The following IPP variants were observed in gnomAD, a reference collection of about 807,000 sequenced individuals.
The protein encoded by IPP is actin-binding protein IPP.
A neutral mutation model predicts 64.1 loss-of-function variants in IPP; 41 were observed. That is an observed-to-expected ratio of 0.64 (90% CI 0.50 to 0.83). The LOEUF (loss-of-function observed/expected upper bound fraction) is 0.83. IPP is among the 40% of genes least tolerant of loss of function. The pLI, the probability that IPP is intolerant of heterozygous loss-of-function variation, is 0.00. For missense variants in IPP, 649 were observed against 703.0 expected, an observed-to-expected ratio of 0.92 and a Z score of 0.87; for synonymous variants, 214 against 235.2, an observed-to-expected ratio of 0.91 and a Z score of 0.83.
At chr1:45,725,210 T>C (rs1255289195) in intron 5 of IPP, among the ~76,000 whole-genome samples, 1 of 74,524 alleles carries the variant, frequency 1.3e-5, no homozygotes, top group East Asian at 4.6e-4. Flanking sequence ...GGGAGGGAGG[T>C]GGGGGGGTCA....
At chr1:45,732,188 C>T (rs1469925966) in intron 3 of IPP, among the ~76,000 whole-genome samples, 1 of 151,704 alleles carries the variant, frequency 6.6e-6, no homozygotes, top group Non-Finnish European at 1.5e-5. Flanking sequence ...GGTGAAACCT[C>T]ATCTCTACTA....
chr1:45,695,818 C>T (rs780418983), downstream of IPP, among the ~76,000 whole-genome samples: 36 of 152,146 alleles, frequency 2.4e-4, no homozygotes, highest in East Asian at 3.9e-4. Flanking sequence ...TACAGGCATG[C>T]GCCACCATGC....
intron 7 of IPP, 48 bp downstream of exon 7, chr1:45,716,847 G>C (rs931807630): frequency 6.4e-7 from 1 of 1,559,362 alleles, no homozygotes; most frequent in Admixed American, 1.9e-5. Context: ...AACTCAAACA[G>C]TTTTTCAGAA....
At position 45,727,727 on chromosome 1, in the gene IPP, T is replaced by A. The variant is rs1570011372; in HGVS notation, c.952A>T (p.Thr318Ser). 1 of 1,599,128 alleles carries A rather than the reference T, an allele frequency of 6.3e-7. No homozygotes were observed. Among genetic ancestry groups the A allele is most frequent in the Non-Finnish European group, 8.6e-7 (1 of 1,169,086 alleles). ...RALSCVERFDTFSQYWTTVSS... is the reference protein window; with the variant it reads ...RALSCVERFDSFSQYWTTVSS... ...ACAGTGGTCCAGTACTGGCTAAAGG[T>A]GTCAAAACGTTCTACACAGCTGAGG... is the stretch of plus-strand genomic sequence containing the variant. Residue 318 changes from threonine (T) to serine (S), a missense_variant, in exon 5 of 9, where the codon ACC becomes TCC. Transcript: ENST00000396478.
intron 8 of IPP, among the ~76,000 whole-genome samples, chr1:45,703,557 C>T (rs1304136870): frequency 6.6e-6 from 1 of 151,444 alleles, no homozygotes; most frequent in African/African-American, 2.4e-5. Context: ...ATTTGAGAGA[C>T]TTGACATAAA....
At position 45,729,767 on chromosome 1, in the gene IPP, C is replaced by G; in HGVS notation, c.727G>C (p.Val243Leu). 6.6e-7 allele frequency: 1 copy of G among 1,522,604 alleles called. No homozygotes were observed. Among genetic ancestry groups the G allele is most frequent in the Non-Finnish European group, 8.9e-7 (1 of 1,128,794 alleles). The allele number at this position is 1,522,604 out of a possible 1,614,324, so 94.3% of individuals were successfully genotyped here. ...GCAACACGAAGATTAAAATCGGATA[C>G]TCCTAAAACAATATTTAAAAAGACA... ...PQRLLKYIEGVSDFNLRVALQ... is the reference protein window; with the variant it reads ...PQRLLKYIEGLSDFNLRVALQ... Residue 243 changes from valine to leucine, a missense_variant and splice_region_variant, in exon 4 of 9, where the codon GTA becomes CTA. Val to Leu is a conservative substitution (Grantham distance 32). Coordinates refer to ENST00000396478, the MANE Select transcript of IPP (RefSeq NM_005897.3).
At chr1:45,733,298 G>T (rs1486482240) in intron 3 of IPP, among the ~76,000 whole-genome samples, 1 of 151,464 alleles carries the variant, frequency 6.6e-6, no homozygotes, top group African/African-American at 2.4e-5. Flanking sequence ...AGTGGTGCAC[G>T]CCTGTAGTCC....
chr1:45,743,932 G>A (rs754696209), intron 2 of IPP, among the ~76,000 whole-genome samples: 3 of 151,304 alleles, frequency 2.0e-5, no homozygotes, highest in Non-Finnish European at 4.4e-5. Context: ...CAGGAGAATC[G>A]CTTGAAACTG....
chr1:45,724,215 CG>C (rs1168289127), intron 5 of IPP, among the ~76,000 whole-genome samples: 1 of 152,184 alleles, frequency 6.6e-6, no homozygotes, highest in Non-Finnish European at 1.5e-5. Flanking sequence ...AGCTCCTAAC[CG>C]CGAGTGATCC....
chr1:45,747,851 A>AC (rs1416617942), intron 1 of IPP, among the ~76,000 whole-genome samples: 2 of 149,464 alleles, frequency 1.3e-5, no homozygotes, highest in Non-Finnish European at 3.0e-5. Context: ...AAAAAAAAAA[A>AC]AAAAAAAAAA....
At chr1:45,725,341 G>A (rs1349942934) in intron 5 of IPP, among the ~76,000 whole-genome samples, 1 of 145,216 alleles carries the variant, frequency 6.9e-6, no homozygotes, top group African/African-American at 2.5e-5. Context: ...GGGAGGTGGG[G>A]GTGTCAGCCC....
chr1:45,719,347 T>C lies in IPP; in HGVS notation c.1049-7A>G, dbSNP rs1436882224. 6.4e-7 allele frequency: 1 copy of C among 1,565,514 alleles called. No homozygotes were observed. The highest frequency in any genetic ancestry group is 1.4e-5 in the African/African-American group (1 of 72,918). ...ATCATTGAATCCTTTTCACCTGAGT[T>C]AAATAAAAGAGACAAATATTATAAA... On this transcript the variant is annotated splice_polypyrimidine_tract_variant and splice_region_variant and intron_variant, in intron 5 of 8. Transcript: ENST00000396478.
chr1:45,724,816 C>T (rs1186044240), intron 5 of IPP, among the ~76,000 whole-genome samples: 15 of 150,074 alleles, frequency 1.0e-4, no homozygotes, highest in South Asian at 6.3e-4. Flanking sequence ...GGAGCCCCTC[C>T]GTCCGGCAGC....
Position 45,709,490 on chromosome 1 carries a change from A to G in IPP, c.1530+4756T>C, listed in dbSNP as rs549681133. 2.7e-4 allele frequency among the ~76,000 whole-genome samples: 40 copies of G among 150,026 alleles called. No homozygotes were observed. In the South Asian group the frequency reaches 6.3e-3, roughly 24 times the overall value. On this transcript the variant is annotated intron_variant, in intron 8 of 8. Transcript: ENST00000396478. Reference sequence around the variant, plus strand: ...CTAAGAAAACATGATGTGAGATAGAAATGCAATTCTACACAAAAGAGTTAA... The same window carrying G: ...CTAAGAAAACATGATGTGAGATAGAGATGCAATTCTACACAAAAGAGTTAA...
chr1:45,720,702 C>G (rs1465685688), intron 5 of IPP, among the ~76,000 whole-genome samples: 1 of 152,050 alleles, frequency 6.6e-6, no homozygotes, highest in African/African-American at 2.4e-5. Flanking sequence ...AGAAACGTAC[C>G]TATATGATTA....
rs1273442480 is a variant in IPP, at chr1:45,698,978, C to T, written c.*988G>A. On this transcript the variant is annotated 3_prime_UTR_variant, in exon 9 of 9. Transcript: ENST00000396478. ...TTCAAGCCATCTTCCCGTCTCACCT[C>T]GGCCTCTCAAAGTGCTGGGATTACA... The T allele has an allele frequency of 1.2e-5, 11 of 894,972 alleles. No individual in the cohort carries two copies. Among genetic ancestry groups the T allele is most frequent in the Middle Eastern group, 5.6e-4 (1 of 1,788 alleles). The allele number at this position is 894,972 out of a possible 1,614,324, so 55.4% of individuals were successfully genotyped here. A position where few individuals can be genotyped will look rare whatever the true frequency, so the allele number is the denominator to read the frequency against.
chr1:45,713,870 G>T (rs1330621329), intron 8 of IPP, among the ~76,000 whole-genome samples: 6 of 149,452 alleles, frequency 4.0e-5, no homozygotes, highest in African/African-American at 1.5e-4. Flanking sequence ...TACAAAAAAA[G>T]TTTTTTTTTT....
chr1:45,741,188 G>C lies in IPP; in HGVS notation c.437C>G (p.Ser146Cys). The C allele has an allele frequency of 6.2e-7, 1 of 1,614,156 alleles. No individual in the cohort carries two copies. Among genetic ancestry groups the C allele is most frequent in the Non-Finnish European group, 8.5e-7 (1 of 1,180,022 alleles). The change falls in exon 3 of 9, where the codon TCT becomes TGT. Residue 146 changes from serine (S) to cysteine (C), a missense_variant. By Grantham distance (112) the Ser-to-Cys change is moderately radical. Transcript: ENST00000396478. ...PLNCIGIFQF[S>C]EQIACHDLLE... ...GAGATCATGGCAGGCAATTTGCTCA[G>C]AGAACTGAAAAATTCCAATGCAGTT...
chr1:45,746,204 T>C lies in IPP; in HGVS notation c.208A>G (p.Met70Val). The C allele has an allele frequency of 1.2e-6, 2 of 1,614,084 alleles. No homozygotes were observed. Among genetic ancestry groups the C allele is most frequent in the East Asian group, 2.2e-5 (1 of 44,884 alleles). ...PYFAALFTGG[M>V]KESSKDVVPI... ...ACAACATCTTTTGAGGACTCTTTCA[T>C]TCCTCCAGTGAACAAAGCTGCAAAG... The change falls in exon 2 of 9, where the codon ATG becomes GTG. Residue 70 changes from methionine (M) to valine (V), a missense_variant. By Grantham distance (21) the Met-to-Val change is conservative. Transcript: ENST00000396478.
Sources: gnomAD v4.1 joint callset for allele counts (sites outside exome capture counted in the v4.1 genomes callset) on GRCh38, gnomAD v4.1.1 for gene constraint, MANE v1.5 for transcripts, NCBI Gene and HGNC (gene_info 2026-07-23, HGNC 2026-07-21) for gene names.